Variants in PTPRT observed in about 807,000 individuals in gnomAD.
PTPRT encodes the protein receptor-type tyrosine-protein phosphatase T.
PTPRT carries 56 observed loss-of-function variants against 176.8 expected under a neutral mutation model. The observed-to-expected ratio is 0.32, with a 90% CI of 0.26 to 0.40. The LOEUF (loss-of-function observed/expected upper bound fraction) is 0.40, where lower values mean the gene tolerates loss of function less well. Ranked by LOEUF, PTPRT falls within the 10% of genes least tolerant of loss-of-function variation. The pLI, the probability that PTPRT is intolerant of heterozygous loss-of-function variation, is 1.00. For synonymous variants in PTPRT, 783 were observed against 739.0 expected (o/e 1.06, Z -0.96); for missense variants, 1,540 against 1,908.2 (o/e 0.81, Z 3.60).
At chr20:42,508,086 T>C (rs1401710306) in intron 7 of PTPRT, among the ~76,000 whole-genome samples, 1 of 148,720 alleles carries the variant, frequency 6.7e-6, no homozygotes, top group African/African-American at 2.6e-5. Context: ...GTTATGTGGC[T>C]CTGTGATAAA....
intron 12 of PTPRT, among the ~76,000 whole-genome samples, chr20:42,301,820 T>TA (rs774787409): frequency 6.6e-6 from 1 of 152,214 alleles, no homozygotes. Flanking sequence ...AAAAAGGAGT[T>TA]AGACATATTG....
chr20:42,590,930 G>A (rs1449288307), intron 7 of PTPRT, among the ~76,000 whole-genome samples: 4 of 23,846 alleles, frequency 1.7e-4, no homozygotes, highest in Admixed American at 1.4e-3. Context: ...GATTTAGCGT[G>A]TGTGTGTGTG....
At chr20:42,654,688 A>T (rs2075092615) in intron 7 of PTPRT, among the ~76,000 whole-genome samples, 1 of 152,188 alleles carries the variant, frequency 6.6e-6, no homozygotes, top group African/African-American at 2.4e-5. Flanking sequence ...TGTTCATTAA[A>T]GCCTCACAGG....
At chr20:42,382,953 G>GCAA (rs1440601008) in intron 9 of PTPRT, among the ~76,000 whole-genome samples, 3 of 152,086 alleles carry the variant, frequency 2.0e-5, no homozygotes, top group Admixed American at 6.6e-5. Context: ...TGGAATTTAG[G>GCAA]TGTCTGAGCT....
chr20:42,831,000 T>C (rs2078074663), intron 2 of PTPRT, among the ~76,000 whole-genome samples: 1 of 152,124 alleles, frequency 6.6e-6, no homozygotes, highest in Admixed American at 6.5e-5. Context: ...AAACTACCAG[T>C]GATGTTCTTC....
chr20:42,115,903 G>C (rs1223719025), intron 21 of PTPRT: 1 of 613,208 alleles, frequency 1.6e-6, no homozygotes, highest in Non-Finnish European at 3.0e-6. Flanking sequence ...GTAGCTGCTG[G>C]ACTCCAAGGG....
intron 12 of PTPRT, among the ~76,000 whole-genome samples, chr20:42,296,133 A>T (rs73616986): frequency 0.14 from 21,665 of 152,260 alleles, 1,596 homozygotes; most frequent in Non-Finnish European, 0.16. Flanking sequence ...CAAAAGATTA[A>T]ACAAGAAAAG....
intron 15 of PTPRT, among the ~76,000 whole-genome samples, chr20:42,201,766 C>T (rs916459083): frequency 2.1e-4 from 32 of 149,420 alleles, no homozygotes; most frequent in Admixed American, 1.0e-3. Flanking sequence ...GCCCTGACTA[C>T]ACCTTATGCC....
intron 2 of PTPRT, among the ~76,000 whole-genome samples, chr20:42,824,051 A>G (rs867830912): frequency 3.3e-5 from 5 of 152,116 alleles, no homozygotes; most frequent in South Asian, 2.1e-4. Flanking sequence ...CTAGGAATCA[A>G]CTTAAACAGA....
At chr20:42,600,211 C>T (rs1309265638) in intron 7 of PTPRT, among the ~76,000 whole-genome samples, 1 of 152,208 alleles carries the variant, frequency 6.6e-6, no homozygotes, top group African/African-American at 2.4e-5. Flanking sequence ...ACTATCTCAA[C>T]TCACTGTAAC....
intron 9 of PTPRT, among the ~76,000 whole-genome samples, chr20:42,358,405 C>T (rs2058387023): frequency 6.6e-6 from 1 of 152,074 alleles, no homozygotes; most frequent in Non-Finnish European, 1.5e-5. Flanking sequence ...TCCTCAGGAA[C>T]CTACAATTTG....
chr20:42,878,754 C>T (rs549667880), intron 2 of PTPRT, among the ~76,000 whole-genome samples: 10 of 152,288 alleles, frequency 6.6e-5, no homozygotes, highest in South Asian at 4.1e-4. Context: ...GCTGGCCGGG[C>T]GTGGTGGCTG....
At chr20:42,947,880 T>C (rs1033431534) in intron 1 of PTPRT, among the ~76,000 whole-genome samples, 5 of 152,186 alleles carry the variant, frequency 3.3e-5, no homozygotes, top group African/African-American at 9.7e-5. Context: ...TTATCTAGGA[T>C]GTAAAATCCA....
intron 9 of PTPRT, among the ~76,000 whole-genome samples, chr20:42,399,872 C>G (rs2058888685): frequency 6.6e-6 from 1 of 152,214 alleles, no homozygotes. Flanking sequence ...TGTATTGTGT[C>G]TTTCAAATAT....
rs1179004142 is a variant in PTPRT, at chr20:42,849,947, C to T, written c.214+35860G>A. On this transcript the variant is annotated intron_variant, in intron 2 of 30. Transcript: ENST00000373187. ...GGGCTGTGCTACCTTGTCCCATTTC[C>T]TTCTGGGTCCAGGTTTCATCACCTA... 2.6e-5 allele frequency among the ~76,000 whole-genome samples: 4 copies of T among 152,296 alleles called. No homozygotes were observed. The East Asian group carries it at 7.7e-4, about 29-fold the overall frequency.
chr20:42,075,747 G>A lies in PTPRT; in HGVS notation c.*5132C>T, dbSNP rs1268623417. 4 of 204,536 alleles carry A rather than the reference G, an allele frequency of 2.0e-5. No individual in the cohort carries two copies. The highest frequency in any genetic ancestry group is 3.0e-5 in the Non-Finnish European group (3 of 99,976). The allele number at this position is 204,536 out of a possible 1,614,324, so 12.7% of individuals were successfully genotyped here. A position where few individuals can be genotyped will look rare whatever the true frequency, so the allele number is the denominator to read the frequency against. On this transcript the variant is annotated 3_prime_UTR_variant, in exon 31 of 31. Transcript: ENST00000373187. Reference sequence around the variant, plus strand: ...ACTCTAAGGGGTTCCCACCAGCGACGAGGAAATGTAGATCCTGGTGAGGAC... The same window carrying A: ...ACTCTAAGGGGTTCCCACCAGCGACAAGGAAATGTAGATCCTGGTGAGGAC...
rs543925173 is a variant in PTPRT, at chr20:42,776,336, C to A, written c.568+3882G>T. 3.3e-5 allele frequency among the ~76,000 whole-genome samples: 5 copies of A among 152,274 alleles called. No homozygotes were observed. The East Asian group carries it at 9.6e-4, about 29-fold the overall frequency. ...GTATCTCAAATGTTCCTATTTTTAGCAGCAGGGCCTTTAAAGACATGATTA... is the reference window on the plus strand; with the variant it reads ...GTATCTCAAATGTTCCTATTTTTAGAAGCAGGGCCTTTAAAGACATGATTA... On this transcript the variant is annotated intron_variant, in intron 4 of 30. Transcript: ENST00000373187.
At chr20:42,793,600 G>A (rs545682137) in intron 2 of PTPRT, among the ~76,000 whole-genome samples, 56 of 152,294 alleles carry the variant, frequency 3.7e-4, no homozygotes, top group African/African-American at 1.3e-3. Context: ...TGAGTAAGGC[G>A]TCCCAGTTTT....
chr20:42,168,700 C>A (rs919914629), intron 16 of PTPRT, among the ~76,000 whole-genome samples: 3 of 152,168 alleles, frequency 2.0e-5, no homozygotes, highest in African/African-American at 7.2e-5. Flanking sequence ...TCCCCTCCAA[C>A]GCTGGAAGTG....
Sources: allele counts gnomAD v4.1 joint callset (sites outside exome capture counted in the v4.1 genomes callset), GRCh38; gene constraint gnomAD v4.1.1; transcripts MANE v1.5; gene names NCBI Gene and HGNC (gene_info 2026-07-23, HGNC 2026-07-21).